HELZ: variants seen among roughly 807,000 people sequenced by gnomAD.
The protein encoded by HELZ is helicase with zinc finger.
In HELZ, 23 loss-of-function variants were observed where a neutral mutation model predicts 218.2. The observed-to-expected ratio is 0.11, with a 90% CI of 0.08 to 0.15. The LOEUF (loss-of-function observed/expected upper bound fraction) is 0.15. HELZ is among the 10% of genes least tolerant of loss of function. The probability of loss-of-function intolerance (pLI) is 1.00; values close to 1 mark genes in which losing one functional copy is unlikely to be tolerated. For missense variants in HELZ, 1,813 were observed against 2,353.7 expected (o/e 0.77, Z 4.75); for synonymous variants, 814 against 829.4 (o/e 0.98, Z 0.32).
Position 67,094,667 on chromosome 17 carries a change from G to C in HELZ, c.5242-7586C>G, listed in dbSNP as rs145015484. On this transcript the variant is annotated intron_variant, in intron 31 of 32. Coordinates refer to ENST00000358691, the MANE Select transcript of HELZ (RefSeq NM_014877.4). The stretch of plus-strand genomic sequence containing the variant: ...AAGGCAAGCATGGTGTCACATGCCT[G>C]TAGGCCCAGCTACTTGGGAGGCTGA... Among the ~76,000 whole-genome samples the C allele has an allele frequency of 2.2e-4, 33 of 152,306 alleles. 1 individual carries two copies. The East Asian group carries it at 6.2e-3, about 28-fold the overall frequency.
rs2144290743 is a variant in HELZ, at chr17:67,190,143, C to T, written c.756+14G>A. ...TTAAGACAAACAAAAAATAATGTAG[C>T]TTATTTTCCTCACCACTTTCTCAGG... is the stretch of plus-strand genomic sequence containing the variant. On this transcript the variant is annotated intron_variant, in intron 10 of 32. Transcript: ENST00000358691. The T allele has an allele frequency of 2.5e-6, 4 of 1,601,430 alleles. No individual in the cohort carries two copies. The highest frequency in any genetic ancestry group is 2.6e-6 in the Non-Finnish European group (3 of 1,168,856).
chr17:67,154,597 T>C (rs2144072198), intron 17 of HELZ, among the ~76,000 whole-genome samples: 1 of 152,316 alleles, frequency 6.6e-6, no homozygotes. Context: ...TAAATATTGA[T>C]TTCTTAAATA....
chr17:67,169,433 T>C (rs1183246135), intron 13 of HELZ, among the ~76,000 whole-genome samples: 1 of 152,132 alleles, frequency 6.6e-6, no homozygotes, highest in Non-Finnish European at 1.5e-5. Flanking sequence ...GCAAAAGCAA[T>C]GGCAAGAGAG....
Position 67,074,930 on chromosome 17 carries a change from C to T in HELZ, c.*3322G>A, listed in dbSNP as rs2035980181. On this transcript the variant is annotated 3_prime_UTR_variant, in exon 33 of 33. Transcript: ENST00000358691. Reference sequence around the variant, plus strand: ...TAAAAAATGACCTGGATAGAAAGCACATCTGTGTGAGGAAAGGAAAATTAA... The same window carrying T: ...TAAAAAATGACCTGGATAGAAAGCATATCTGTGTGAGGAAAGGAAAATTAA... 6.6e-6 allele frequency: 1 copy of T among 151,160 alleles called. No homozygotes were observed. The highest frequency in any genetic ancestry group is 2.4e-5 in the African/African-American group (1 of 41,188). The allele number at this position is 151,160 out of a possible 1,614,324, so 9.4% of individuals were successfully genotyped here.
chr17:67,211,997 G>A (rs147361126), intron 5 of HELZ, among the ~76,000 whole-genome samples: 102 of 152,164 alleles, frequency 6.7e-4, no homozygotes, highest in African/African-American at 2.4e-3. Flanking sequence ...GAGAGGAGAG[G>A]AGCTGCAATG....
intron 12 of HELZ, among the ~76,000 whole-genome samples, chr17:67,187,277 C>T (rs552056581): frequency 6.6e-6 from 1 of 152,088 alleles, no homozygotes; most frequent in South Asian, 2.1e-4. Context: ...TAAAAGGGAT[C>T]AAAGTCAGTG....
chr17:67,107,172 T>C lies in HELZ; in HGVS notation c.5238A>G (p.Glu1746=). The part of the protein sequence containing the change: ...TVSSSSLPSL[E]EYEPRGPGRP... ...AGGAAAATAAGAAGACATTTACCTCTTCTAAGCTAGGGAGCGAAGAAGAAG... is the reference window on the plus strand; with the variant it reads ...AGGAAAATAAGAAGACATTTACCTCCTCTAAGCTAGGGAGCGAAGAAGAAG... The change falls in exon 31 of 33, where the codon GAA becomes GAG. Residue 1746 remains glutamate (E), a synonymous_variant. Transcript: ENST00000358691. 6.2e-7 allele frequency: 1 copy of C among 1,610,548 alleles called. No homozygotes were observed. The highest frequency in any genetic ancestry group is 8.5e-7 in the Non-Finnish European group (1 of 1,178,200).
chr17:67,189,569 A>C lies in HELZ; in HGVS notation c.864+20T>G. On this transcript the variant is annotated intron_variant, in intron 11 of 32. Coordinates refer to ENST00000358691, the MANE Select transcript of HELZ (RefSeq NM_014877.4). ...AAATTAAACACAACTTTTATGCTTT[A>C]ACTAGCACAAAATTCATACCTTACA... is the stretch of plus-strand genomic sequence containing the variant. 1 of 1,487,836 alleles carries C rather than the reference A, an allele frequency of 6.7e-7. No homozygotes were observed. Among genetic ancestry groups the C allele is most frequent in the Non-Finnish European group, 9.4e-7 (1 of 1,067,190 alleles). 92.2% of individuals were successfully genotyped at this position (1,487,836 alleles called of 1,614,324 possible).
intron 23 of HELZ, among the ~76,000 whole-genome samples, chr17:67,131,062 T>A (rs1194388355): frequency 4.6e-5 from 7 of 152,102 alleles, no homozygotes; most frequent in Admixed American, 2.0e-4. Flanking sequence ...AATTTTTAAA[T>A]TTTTTTGTAG....
chr17:67,140,158 C>T (rs1288759003), intron 21 of HELZ, among the ~76,000 whole-genome samples: 3 of 152,194 alleles, frequency 2.0e-5, no homozygotes, highest in Non-Finnish European at 2.9e-5. Flanking sequence ...CACTTGGTAG[C>T]GGCACCAGCT....
intron 5 of HELZ, among the ~76,000 whole-genome samples, chr17:67,210,913 T>G (rs934312598): frequency 6.6e-6 from 1 of 150,462 alleles, no homozygotes; most frequent in African/African-American, 2.4e-5. Flanking sequence ...AGAACAAGAC[T>G]CAAAAAAAAA....
In HELZ at chr17:67,218,581, C is replaced by T; in HGVS notation, c.210+14G>A. On this transcript the variant is annotated intron_variant, in intron 4 of 32. Coordinates refer to ENST00000358691, the MANE Select transcript of HELZ (RefSeq NM_014877.4). The stretch of plus-strand genomic sequence containing the variant: ...ACATAGTTCAGCATTGGCTTATTGA[C>T]AGTGTTTACTCACCAGTTGCAAAAA... 6.3e-7 allele frequency: 1 copy of T among 1,580,734 alleles called. No homozygotes were observed. Among genetic ancestry groups the T allele is most frequent in the Non-Finnish European group, 8.7e-7 (1 of 1,149,658 alleles).
At position 67,108,786 on chromosome 17, in the gene HELZ, A is replaced by G; in HGVS notation, c.4490-60T>C. On this transcript the variant is annotated intron_variant, in intron 29 of 32. Transcript: ENST00000358691. This position sits in a 1 kb window ranked among gnomAD's most constrained non-coding sequence, Gnocchi z 4.1. ...TTGGGGTTTCAAGTTCATTATTTAA[A>G]GTTTTTTACTAACATATTTTCTCCA... is the stretch of plus-strand genomic sequence containing the variant. 1.6e-6 allele frequency: 2 copies of G among 1,264,336 alleles called. No homozygotes were observed. The highest frequency in any genetic ancestry group is 2.2e-6 in the Non-Finnish European group (2 of 911,062). The allele number at this position is 1,264,336 out of a possible 1,614,324, so 78.3% of individuals were successfully genotyped here.
intron 15 of HELZ, among the ~76,000 whole-genome samples, chr17:67,162,456 AT>A (rs1450808884): frequency 1.3e-5 from 2 of 152,198 alleles, no homozygotes; most frequent in African/African-American, 4.8e-5. Context: ...TTCTGCCAGT[AT>A]CCAGCAATTT....
intron 27 of HELZ, chr17:67,120,080 T>G (rs2143820998): frequency 5.6e-6 from 2 of 355,790 alleles, no homozygotes; most frequent in South Asian, 2.2e-5. Context: ...CTCAGCTCAC[T>G]GCAAACTCCG....
intron 23 of HELZ, among the ~76,000 whole-genome samples, chr17:67,130,514 G>A (rs2037945061): frequency 6.6e-6 from 1 of 152,126 alleles, no homozygotes; most frequent in Admixed American, 6.5e-5. Flanking sequence ...TCATGCAGTT[G>A]CTGGAAATGT....
chr17:67,178,998 A>G (rs2039534758), intron 12 of HELZ, 72 bp from the exon 13 acceptor site: 1 of 990,386 alleles, frequency 1.0e-6, no homozygotes, highest in Non-Finnish European at 1.5e-6. Flanking sequence ...TAAAATTCTT[A>G]ACTATATTAC....
At chr17:67,230,697 T>C (rs1157760576) in intron 3 of HELZ, among the ~76,000 whole-genome samples, 2 of 152,134 alleles carry the variant, frequency 1.3e-5, no homozygotes, top group Non-Finnish European at 1.5e-5. Context: ...ACATTGTCTA[T>C]TCTTTTTGTT....
chr17:67,110,410 ATATC>A (rs781782765), intron 28 of HELZ, among the ~76,000 whole-genome samples: 1 of 152,178 alleles, frequency 6.6e-6, no homozygotes, highest in Non-Finnish European at 1.5e-5. Context: ...TTCCTCAAAA[ATATC>A]TATGTTAATA....
Sources: allele counts gnomAD v4.1 joint callset (sites outside exome capture counted in the v4.1 genomes callset), GRCh38; gene constraint gnomAD v4.1.1; non-coding constraint Gnocchi (gnomAD v3.1); transcripts MANE v1.5; gene names NCBI Gene and HGNC (gene_info 2026-07-23, HGNC 2026-07-21).